The following DEAF1 variants were observed in gnomAD, a reference collection of about 807,000 sequenced individuals.
The protein encoded by DEAF1 is DEAF1 transcription factor.
A neutral mutation model predicts 58.9 loss-of-function variants in DEAF1; 53 were observed. The ratio of observed to expected loss-of-function variants is 0.90; its 90% confidence interval spans 0.72 to 1.13. The LOEUF is 1.13. DEAF1 is among the 50% of genes most tolerant of loss of function. The pLI is 0.00. For synonymous variants in DEAF1, 385 were observed against 340.4 expected (o/e 1.13, Z -1.44); for missense variants, 685 against 791.4 (o/e 0.87, Z 1.61).
intron 9 of DEAF1, among the ~76,000 whole-genome samples, chr11:676,676 G>A (rs1429393446): frequency 1.3e-5 from 2 of 152,018 alleles, no homozygotes; most frequent in Non-Finnish European, 2.9e-5. Context: ...GGCTAATTTT[G>A]TATTTTTAGT....
At chr11:672,583 A>G (rs1859879085) in intron 10 of DEAF1, among the ~76,000 whole-genome samples, 1 of 152,244 alleles carries the variant, frequency 6.6e-6, no homozygotes, top group Non-Finnish European at 1.5e-5. Context: ...AAGGTGGCTC[A>G]TGCCTGTAAT....
At chr11:650,823 G>A (rs1289802112) in intron 11 of DEAF1, among the ~76,000 whole-genome samples, 1 of 152,056 alleles carries the variant, frequency 6.6e-6, no homozygotes, top group Non-Finnish European at 1.5e-5. Context: ...GGCGTGGGGC[G>A]TGTATCTGTA....
At chr11:687,140 C>T (rs1477468619) in intron 4 of DEAF1, 143 bp from the exon 5 acceptor site, 16 of 1,230,876 alleles carry the variant, frequency 1.3e-5, no homozygotes, top group Non-Finnish European at 1.6e-5. Context: ...CATACTTGGC[C>T]CTGACAGGTC....
chr11:706,976 C>T (rs1425138642), exon 1 of DEAF1, among the ~76,000 whole-genome samples: 2 of 152,072 alleles, frequency 1.3e-5, no homozygotes, highest in Non-Finnish European at 2.9e-5. Context: ...CCTGGCGTTG[C>T]CCCTTGCTGC....
upstream of DEAF1, among the ~76,000 whole-genome samples, chr11:696,792 G>T (rs1381428209): frequency 1.3e-5 from 2 of 152,202 alleles, no homozygotes; most frequent in East Asian, 3.9e-4. Context: ...AAATTACCCC[G>T]GGGAAGGCCA....
At chr11:684,827 G>C (rs1860520314) in intron 6 of DEAF1, 71 bp downstream of exon 6, 9 of 1,328,372 alleles carry the variant, frequency 6.8e-6, no homozygotes, top group Non-Finnish European at 9.5e-6. Context: ...GAGAGGCCAA[G>C]GGCTGTGGGA....
chr11:669,927 CAAAAAAAA>C (rs59541099), intron 10 of DEAF1, among the ~76,000 whole-genome samples: 6 of 86,892 alleles, frequency 6.9e-5, no homozygotes, highest in African/African-American at 2.3e-4. Context: ...GAGACTGTCT[CAAAAAAAA>C]AAAAAAAAAA....
intron 10 of DEAF1, among the ~76,000 whole-genome samples, chr11:665,135 C>T (rs547724758): frequency 4.3e-5 from 6 of 138,162 alleles, no homozygotes; most frequent in East Asian, 4.8e-4. Context: ...GTGTCACACT[C>T]GGTCACTCTA....
intron 1 of DEAF1, chr11:704,358 G>C: frequency 9.9e-7 from 1 of 1,013,788 alleles, no homozygotes; most frequent in Non-Finnish European, 1.3e-6. Context: ...CACCTGGACA[G>C]TCTTTCCTGC....
chr11:658,893 C>G (rs144619027), intron 10 of DEAF1, among the ~76,000 whole-genome samples: 3 of 152,228 alleles, frequency 2.0e-5, no homozygotes, highest in Admixed American at 2.0e-4. Context: ...GGAAAAAAGC[C>G]TTGTGAATCA....
intron 1 of DEAF1, chr11:701,073 G>A: frequency 3.4e-6 from 1 of 291,818 alleles, no homozygotes; most frequent in Non-Finnish European, 6.7e-6. Flanking sequence ...TGAGGAGAGA[G>A]CCCTGGAGAG....
At chr11:651,414 G>GAAAAAAAAAAAAAAAAAAAAA (rs200274966) in intron 11 of DEAF1, 1 of 218,884 alleles carries the variant, frequency 4.6e-6, no homozygotes. Flanking sequence ...ATCTCTGTAA[G>GAAAAAAAAAAAAAAAAAAAAA]AAAAAAAAAA....
chr11:701,413 T>C (rs1311674333), intron 1 of DEAF1, among the ~76,000 whole-genome samples: 1 of 132,882 alleles, frequency 7.5e-6, no homozygotes, highest in African/African-American at 2.8e-5. Context: ...TTTCTTTTTT[T>C]TTTTTTTTTT....
chr11:695,191 A>G lies in DEAF1; in HGVS notation c.-144T>C. On this transcript the variant is annotated 5_prime_UTR_variant, in exon 1 of 12. Coordinates refer to ENST00000382409, the MANE Select transcript of DEAF1 (RefSeq NM_021008.4). ...CCGCCCGAATAGGGACCGAAAAGGC[A>G]GCCAGCCGCCGAGCAGAGCCGAGCC... is the stretch of plus-strand genomic sequence containing the variant. 1 of 737,132 alleles carries G rather than the reference A, an allele frequency of 1.4e-6. No individual in the cohort carries two copies. Among genetic ancestry groups the G allele is most frequent in the Non-Finnish European group, 1.9e-6 (1 of 524,996 alleles). The allele number at this position is 737,132 out of a possible 1,614,324, so 45.7% of individuals were successfully genotyped here. A position where few individuals can be genotyped will look rare whatever the true frequency, so the allele number is the denominator to read the frequency against.
chr11:687,028 G>A (rs781722996), intron 4 of DEAF1, 31 bp from the exon 5 acceptor site: 66 of 1,613,034 alleles, frequency 4.1e-5, no homozygotes, highest in Non-Finnish European at 4.7e-5. Context: ...CATGATGATG[G>A]CAGGTGGGAA....
At chr11:690,983 A>G (rs559313230) in intron 2 of DEAF1, among the ~76,000 whole-genome samples, 1 of 152,348 alleles carries the variant, frequency 6.6e-6, no homozygotes, top group South Asian at 2.1e-4. Flanking sequence ...AAATAAGCTG[A>G]TAAAACATGA....
intron 1 of DEAF1, 25 bp downstream of exon 1, chr11:694,734 G>T: frequency 7.7e-7 from 1 of 1,292,032 alleles, no homozygotes. Flanking sequence ...ACCGGACGAG[G>T]CGAGAGGCCG....
At chr11:666,858 G>C (rs1859550605) in intron 10 of DEAF1, among the ~76,000 whole-genome samples, 1 of 117,888 alleles carries the variant, frequency 8.5e-6, no homozygotes, top group Non-Finnish European at 1.6e-5. Context: ...AGCCTGGAGA[G>C]CAAGACTCTG....
At chr11:663,028 G>A (rs115352319) in intron 10 of DEAF1, among the ~76,000 whole-genome samples, 3 of 152,244 alleles carry the variant, frequency 2.0e-5, no homozygotes, top group Non-Finnish European at 2.9e-5. Context: ...CTACTGGCCT[G>A]GGGGCCAGAA....
Sources: allele counts gnomAD v4.1 joint callset (sites outside exome capture counted in the v4.1 genomes callset), GRCh38; gene constraint gnomAD v4.1.1; transcripts MANE v1.5; gene names NCBI Gene and HGNC (gene_info 2026-07-23, HGNC 2026-07-21).